The following MMP26 variants were observed in gnomAD, a reference collection of about 807,000 sequenced individuals.
The protein encoded by MMP26 is matrix metallopeptidase 26.
In MMP26, 33 loss-of-function variants were observed where a neutral mutation model predicts 31.0. That is an observed-to-expected ratio of 1.06 (90% CI 0.81 to 1.42). The LOEUF (loss-of-function observed/expected upper bound fraction) is 1.42, where lower values mean the gene tolerates loss of function less well. MMP26 is among the 40% of genes most tolerant of loss of function. The pLI, the probability that MMP26 is intolerant of heterozygous loss-of-function variation, is 0.00. For synonymous variants in MMP26, 122 were observed against 114.9 expected, an observed-to-expected ratio of 1.06 and a Z score of -0.40; for missense variants, 347 against 316.1, an observed-to-expected ratio of 1.10 and a Z score of -0.74.
At chr11:4,763,963 G>T (rs975692647) in intron 1 of MMP26, among the ~76,000 whole-genome samples, 3 of 152,110 alleles carry the variant, frequency 2.0e-5, no homozygotes, top group African/African-American at 4.8e-5. Flanking sequence ...ATTTTATAAT[G>T]CAATAAACAG....
intron 1 of MMP26, among the ~76,000 whole-genome samples, chr11:4,727,501 T>C (rs1376801643): frequency 6.6e-6 from 1 of 152,168 alleles, no homozygotes; most frequent in Non-Finnish European, 1.5e-5. Context: ...ACAAGGTACA[T>C]GACAATCCTA....
At chr11:4,924,101 A>G in intron 2 of MMP26, 1 of 1,614,164 alleles carries the variant, frequency 6.2e-7, no homozygotes, top group Non-Finnish European at 8.5e-7. Flanking sequence ...CACAGTGGGC[A>G]GTGTGGAAAG....
intron 2 of MMP26, among the ~76,000 whole-genome samples, chr11:4,817,032 T>G (rs1304893421): frequency 2.6e-5 from 4 of 152,028 alleles, no homozygotes; most frequent in South Asian, 4.1e-4. Flanking sequence ...GTCATTATTT[T>G]TCTAATCATA....
At chr11:4,829,550 T>A (rs1368825) in intron 2 of MMP26, among the ~76,000 whole-genome samples, 28,912 of 152,142 alleles carry the variant, frequency 0.19, 3,014 homozygotes, top group Middle Eastern at 0.27. Context: ...GCTGAACAAT[T>A]TCCCTTCTGA....
intron 2 of MMP26, among the ~76,000 whole-genome samples, chr11:4,825,566 C>T (rs538288392): frequency 2.6e-5 from 4 of 152,118 alleles, no homozygotes; most frequent in Non-Finnish European, 5.9e-5. Flanking sequence ...ATAAAATCAG[C>T]CCATTCCATA....
At chr11:4,898,307 T>A (rs73405033) in intron 2 of MMP26, among the ~76,000 whole-genome samples, 4,960 of 152,158 alleles carry the variant, frequency 0.033, 272 homozygotes, top group African/African-American at 0.11. Context: ...ATTTCTCTAC[T>A]TGTATATCTT....
At chr11:4,986,932 C>CTCTCTCTCTCCCTCTCTCTCTCT (rs1564819722) in intron 2 of MMP26, among the ~76,000 whole-genome samples, 1 of 60,408 alleles carries the variant, frequency 1.7e-5, no homozygotes, top group Admixed American at 2.0e-4. Context: ...TCTCTCTCTC[C>CTCTCTCTCTCCCTCTCTCTCTCT]CTCTCTCTCT....
intron 2 of MMP26, among the ~76,000 whole-genome samples, chr11:4,888,847 T>C (rs2133546410): frequency 6.6e-6 from 1 of 152,268 alleles, no homozygotes; most frequent in Non-Finnish European, 1.5e-5. Context: ...CACACAAAAT[T>C]TGACTGAATG....
At position 4,954,464 on chromosome 11, in the gene MMP26, G is replaced by A. The variant is rs562609723; in HGVS notation, c.-144-33604G>A. Among the ~76,000 whole-genome samples, 12 of 119,368 alleles carry A rather than the reference G, an allele frequency of 1.0e-4. 5 individuals are homozygous for A. Among genetic ancestry groups the A allele is most frequent in the African/African-American group, 1.9e-4 (7 of 36,020 alleles). 78.3% of individuals were successfully genotyped at this position (119,368 alleles called of 152,430 possible). ...TATAGAGAGACTGAATGTAGATAAC[G>A]AGGAATCCAACTTCTGTCAGAACTG... On this transcript the variant is annotated intron_variant, in intron 2 of 7. Transcript: ENST00000380390.
intron 2 of MMP26, chr11:4,881,863 T>C (rs1466831594): frequency 1.9e-6 from 3 of 1,555,238 alleles, no homozygotes; most frequent in South Asian, 1.1e-5. Context: ...ATCTTAATTA[T>C]TTTTCTTTCC....
intron 2 of MMP26, among the ~76,000 whole-genome samples, chr11:4,816,978 G>A (rs1454337665): frequency 2.0e-5 from 3 of 151,762 alleles, no homozygotes; most frequent in Non-Finnish European, 4.4e-5. Flanking sequence ...CCAAAGTGGG[G>A]TGCCTTCTTT....
chr11:4,766,693 T>TTCCCTCCCTCGCTCCC (rs1554931045), intron 1 of MMP26, among the ~76,000 whole-genome samples: 1 of 49,344 alleles, frequency 2.0e-5, no homozygotes, highest in South Asian at 1.5e-3. Flanking sequence ...CCACTTTCCT[T>TTCCCTCCCTCGCTCCC]TCCCTCCCTC....
intron 2 of MMP26, among the ~76,000 whole-genome samples, chr11:4,767,706 A>AAAGT (rs10695613): frequency 1.3e-5 from 2 of 152,016 alleles, no homozygotes; most frequent in African/African-American, 4.8e-5. Context: ...GCATAGTTAG[A>AAAGT]TATGCAAAAA....
At chr11:4,888,955 G>T (rs531584930) in intron 2 of MMP26, among the ~76,000 whole-genome samples, 23 of 152,272 alleles carry the variant, frequency 1.5e-4, no homozygotes, top group African/African-American at 5.1e-4. Context: ...GGTATTCCTT[G>T]TCTGCAAGGG....
chr11:4,858,069 C>T (rs577851055), intron 2 of MMP26, among the ~76,000 whole-genome samples: 83 of 152,166 alleles, frequency 5.5e-4, no homozygotes, highest in Middle Eastern at 3.4e-3. Context: ...GTCGATGGGA[C>T]GTATCTCAAA....
chr11:4,735,336 C>A (rs1347215406), intron 1 of MMP26, among the ~76,000 whole-genome samples: 2 of 152,072 alleles, frequency 1.3e-5, no homozygotes, highest in Non-Finnish European at 1.5e-5. Flanking sequence ...GTGTATATAT[C>A]TATATGGTTG....
At chr11:4,862,787 G>T (rs561927399) in intron 2 of MMP26, among the ~76,000 whole-genome samples, 12 of 152,266 alleles carry the variant, frequency 7.9e-5, no homozygotes, top group African/African-American at 2.6e-4. Context: ...CTTAGACACA[G>T]AAGAATTTTT....
intron 2 of MMP26, chr11:4,882,644 G>A: frequency 1.9e-6 from 3 of 1,613,884 alleles, no homozygotes; most frequent in Non-Finnish European, 1.7e-6. Context: ...TCACATCTGT[G>A]CAGTCACTAT....
At chr11:4,914,771 C>G (rs747957313) in intron 2 of MMP26, 1 of 1,613,976 alleles carries the variant, frequency 6.2e-7, no homozygotes, top group Admixed American at 1.7e-5. Context: ...GGTCTTCACA[C>G]TGTAGACAAT....
Sources: gnomAD v4.1 joint callset for allele counts (sites outside exome capture counted in the v4.1 genomes callset) on GRCh38, gnomAD v4.1.1 for gene constraint, MANE v1.5 for transcripts, NCBI Gene and HGNC (gene_info 2026-07-23, HGNC 2026-07-21) for gene names.